The following PYGO1 variants were observed in gnomAD, a reference collection of about 807,000 sequenced individuals.
PYGO1 encodes pygopus homolog 1.
A neutral mutation model predicts 29.5 loss-of-function variants in PYGO1; 6 were observed. That is an observed-to-expected ratio of 0.20 (90% CI 0.11 to 0.40). The LOEUF is 0.40. PYGO1 is among the 10% of genes least tolerant of loss of function. The pLI is 1.00. For missense variants in PYGO1, 515 were observed against 514.9 expected, an observed-to-expected ratio of 1.00 and a Z score of 0.00; for synonymous variants, 186 against 180.5, an observed-to-expected ratio of 1.03 and a Z score of -0.24.
At position 55,588,006 on chromosome 15, in the gene PYGO1, A is replaced by G; in HGVS notation, c.-123T>C. 2 of 1,351,574 alleles carry G rather than the reference A, an allele frequency of 1.5e-6. No individual in the cohort carries two copies. Among genetic ancestry groups the G allele is most frequent in the Non-Finnish European group, 1.9e-6 (2 of 1,044,526 alleles). 83.7% of individuals were successfully genotyped at this position (1,351,574 alleles called of 1,614,324 possible). On this transcript the variant is annotated 5_prime_UTR_variant, in exon 1 of 3. Transcript: ENST00000563719. ...GCGAGGCAAGCCTCGGAGCCGAGGC[A>G]CGGCCGAGGGCGGTGGGGACGCGGG...
At position 55,544,151 on chromosome 15, in the gene PYGO1, C is replaced by A. The variant is rs2058839501; in HGVS notation, c.*1872G>T. ...CTAGTCAAGGGTAAATGGAGAAAAC[C>A]TTGTATTACCTTGTACCATATGAAA... is the stretch of plus-strand genomic sequence containing the variant. On this transcript the variant is annotated 3_prime_UTR_variant, in exon 3 of 3. Transcript: ENST00000563719. 1 of 152,016 alleles carries A rather than the reference C, an allele frequency of 6.6e-6. No individual in the cohort carries two copies. Among genetic ancestry groups the A allele is most frequent in the African/African-American group, 2.4e-5 (1 of 41,410 alleles). The allele number at this position is 152,016 out of a possible 1,614,324, so 9.4% of individuals were successfully genotyped here.
intron 1 of PYGO1, among the ~76,000 whole-genome samples, chr15:55,564,495 C>G (rs892792433): frequency 2.0e-5 from 3 of 152,170 alleles, no homozygotes; most frequent in African/African-American, 4.8e-5. Flanking sequence ...GGGTAAAGTC[C>G]TCTAAAGCTT....
intron 1 of PYGO1, among the ~76,000 whole-genome samples, chr15:55,581,217 G>A (rs2059023690): frequency 6.7e-6 from 1 of 148,878 alleles, no homozygotes; most frequent in South Asian, 2.1e-4. Context: ...CTTTGAGGAT[G>A]AGTATCACCC....
intron 1 of PYGO1, among the ~76,000 whole-genome samples, chr15:55,576,316 C>T (rs1326688125): frequency 6.7e-6 from 1 of 149,196 alleles, no homozygotes; most frequent in Admixed American, 6.7e-5. Context: ...ATTAGCCGGG[C>T]GTAGTGGCGG....
Position 55,587,895 on chromosome 15 carries a change from A to G in PYGO1, c.-12T>C, listed in dbSNP as rs1303630439. ...TGTTCTGCTGACATTACAGACCGCA[A>G]AGCATGACTCCCCCCCAGGCCGCGG... On this transcript the variant is annotated 5_prime_UTR_variant, in exon 1 of 3. Transcript: ENST00000563719. 20 of 1,471,864 alleles carry G rather than the reference A, an allele frequency of 1.4e-5. No homozygotes were observed. The highest frequency in any genetic ancestry group is 1.8e-5 in the Non-Finnish European group (20 of 1,111,220). 91.2% of individuals were successfully genotyped at this position (1,471,864 alleles called of 1,614,324 possible).
intron 1 of PYGO1, among the ~76,000 whole-genome samples, chr15:55,558,999 T>C (rs1224242225): frequency 6.6e-6 from 1 of 151,898 alleles, no homozygotes; most frequent in Non-Finnish European, 1.5e-5. Flanking sequence ...CTAATTAAAC[T>C]GAAGAGCTTC....
In PYGO1 at chr15:55,588,049, GGGA is replaced by G. The variant is rs2059056975; in HGVS notation, c.-169_-167del. ...GACGCGGGCCGACTTTGCAAAGTTT[GGGA>G]GGAGGACGAGGCCTCGGGGCGGCGG... On this transcript the variant is annotated 5_prime_UTR_variant, in exon 1 of 3. Coordinates refer to ENST00000563719, the MANE Select transcript of PYGO1 (RefSeq NM_001367806.1). The G allele has an allele frequency of 1.7e-6, 2 of 1,187,508 alleles. No homozygotes were observed. The highest frequency in any genetic ancestry group is 1.0e-6 in the Non-Finnish European group (1 of 958,066). 73.6% of individuals were successfully genotyped at this position (1,187,508 alleles called of 1,614,324 possible). A position where few individuals can be genotyped will look rare whatever the true frequency, so the allele number is the denominator to read the frequency against.
At chr15:55,577,341 T>C (rs1319540898) in intron 1 of PYGO1, among the ~76,000 whole-genome samples, 1 of 152,188 alleles carries the variant, frequency 6.6e-6, no homozygotes, top group Non-Finnish European at 1.5e-5. Flanking sequence ...TTAGTTGATG[T>C]CTCACGTCTA....
In PYGO1 at chr15:55,581,662, G is replaced by A. The variant is rs146567677; in HGVS notation, c.49+6173C>T. Among the ~76,000 whole-genome samples, 74 of 152,152 alleles carry A rather than the reference G, an allele frequency of 4.9e-4. No individual in the cohort carries two copies. In the East Asian group the frequency reaches 0.013, roughly 27 times the overall value. On this transcript the variant is annotated intron_variant, in intron 1 of 2. Transcript: ENST00000563719. Reference sequence around the variant, plus strand: ...TAACCTCTCTGAACATCAATTCCTCGACTGTAAACCAACAATAATATCTAA... The same window carrying A: ...TAACCTCTCTGAACATCAATTCCTCAACTGTAAACCAACAATAATATCTAA...
At chr15:55,551,715 G>A (rs902851645) in intron 1 of PYGO1, among the ~76,000 whole-genome samples, 5 of 152,090 alleles carry the variant, frequency 3.3e-5, no homozygotes, top group African/African-American at 1.2e-4. Flanking sequence ...GCTGAGGTGG[G>A]AGGATCTCTT....
intron 1 of PYGO1, among the ~76,000 whole-genome samples, chr15:55,554,098 C>A (rs545610038): frequency 1.3e-5 from 2 of 152,104 alleles, no homozygotes; most frequent in African/African-American, 4.8e-5. Context: ...CACAAAAACG[C>A]TTAAAACTCA....
chr15:55,583,465 T>C (rs916302174), intron 1 of PYGO1, among the ~76,000 whole-genome samples: 3 of 152,108 alleles, frequency 2.0e-5, no homozygotes, highest in Non-Finnish European at 4.4e-5. Flanking sequence ...TTCTTTTAAG[T>C]TTTAAGCCAC....
chr15:55,581,816 T>C (rs943638511), intron 1 of PYGO1, among the ~76,000 whole-genome samples: 1 of 14,270 alleles, frequency 7.0e-5, no homozygotes, highest in Non-Finnish European at 2.6e-4. Context: ...GGGGAGGCCA[T>C]GAAACCAATA....
chr15:55,577,890 T>C (rs1469031414), intron 1 of PYGO1, among the ~76,000 whole-genome samples: 1 of 151,178 alleles, frequency 6.6e-6, no homozygotes, highest in Non-Finnish European at 1.5e-5. Context: ...TTTCCCTGCC[T>C]CAGCCTCCCG....
rs560535877 is a variant in PYGO1, at chr15:55,561,932, G to A, written c.50-12937C>T. 8.9e-4 allele frequency among the ~76,000 whole-genome samples: 136 copies of A among 152,148 alleles called. 1 individual carries two copies. The South Asian group carries it at 0.027, about 31-fold the overall frequency. On this transcript the variant is annotated intron_variant, in intron 1 of 2. Coordinates refer to ENST00000563719, the MANE Select transcript of PYGO1 (RefSeq NM_001367806.1). Reference sequence around the variant, plus strand: ...TGAACAGACAACCTACAGAATAAGAGAAAATGTTTGCCTTCTGACAAAGGT... The same window carrying A: ...TGAACAGACAACCTACAGAATAAGAAAAAATGTTTGCCTTCTGACAAAGGT...
chr15:55,566,732 CTGGTTTTGA>C (rs781482862), intron 1 of PYGO1, among the ~76,000 whole-genome samples: 1 of 152,064 alleles, frequency 6.6e-6, no homozygotes, highest in African/African-American at 2.4e-5. Flanking sequence ...TTATCAACAC[CTGGTTTTGA>C]TGGTTTTGAG....
chr15:55,574,215 G>C (rs528391150), intron 1 of PYGO1, among the ~76,000 whole-genome samples: 1 of 152,328 alleles, frequency 6.6e-6, no homozygotes, highest in African/African-American at 2.4e-5. Context: ...TGCTTTCATA[G>C]AGATGATTAG....
At chr15:55,549,025 C>A in intron 1 of PYGO1, 30 bp from the exon 2 acceptor site, 1 of 1,537,388 alleles carries the variant, frequency 6.5e-7, no homozygotes, top group Non-Finnish European at 8.9e-7. Context: ...GGTAATATTT[C>A]CCACTTGTAA....
At position 55,548,976 on chromosome 15, in the gene PYGO1, A is replaced by G. The variant is rs772237530; in HGVS notation, c.69T>C (p.Asp23=). The change falls in exon 2 of 3, where the codon GAT becomes GAC. Residue 23 remains aspartate (D), a synonymous_variant. Coordinates refer to ENST00000563719, the MANE Select transcript of PYGO1 (RefSeq NM_001367806.1). ...KRVRGGDSGL[D]GLGGPGVQLG... is the part of the protein sequence containing the mutation. ...GTTGTACACCTGGTCCTCCTAACCC[A>G]TCCAGTCCACTATCACCACCTAAAA... 1 of 1,609,918 alleles carries G rather than the reference A, an allele frequency of 6.2e-7. No individual in the cohort carries two copies. The highest frequency in any genetic ancestry group is 8.5e-7 in the Non-Finnish European group (1 of 1,178,478).
Sources: gnomAD v4.1 joint callset for allele counts (sites outside exome capture counted in the v4.1 genomes callset) on GRCh38, gnomAD v4.1.1 for gene constraint, MANE v1.5 for transcripts, NCBI Gene and HGNC (gene_info 2026-07-23, HGNC 2026-07-21) for gene names.